SEMA6D: variants seen among roughly 807,000 people sequenced by gnomAD.
The protein encoded by SEMA6D is semaphorin 6D, also known as semaphorin-6D.
Under a neutral mutation model 106.6 loss-of-function variants are expected in SEMA6D, and 35 were observed. The ratio of observed to expected loss-of-function variants is 0.33; its 90% CI spans 0.25 to 0.44. The LOEUF (loss-of-function observed/expected upper bound fraction) is 0.44. Among genes scored for constraint, SEMA6D ranks in the 20% least tolerant of loss-of-function variants. The pLI, the probability that SEMA6D is intolerant of heterozygous loss-of-function variation, is 1.00. For synonymous variants in SEMA6D, 499 were observed against 487.7 expected (o/e 1.02, Z -0.31); for missense variants, 1,185 against 1,345.9 (o/e 0.88, Z 1.87).
intron 1 of SEMA6D, among the ~76,000 whole-genome samples, chr15:47,207,993 G>GCACGCACACA (rs1895210628): frequency 1.1e-5 from 1 of 89,396 alleles, no homozygotes; most frequent in African/African-American, 4.1e-5. Context: ...TGGCGCGCGC[G>GCACGCACACA]CACACACACA....
At chr15:47,311,823 A>G (rs958757792) in intron 1 of SEMA6D, among the ~76,000 whole-genome samples, 1 of 152,180 alleles carries the variant, frequency 6.6e-6, no homozygotes, top group African/African-American at 2.4e-5. Context: ...CTGTGTCTAC[A>G]TGAGGCAAAC....
At position 47,768,692 on chromosome 15, in the gene SEMA6D, T is replaced by G. The variant is rs758166403; in HGVS notation, c.1877T>G (p.Val626Gly). Residue 626 changes from valine (V) to glycine (G), a missense_variant, in exon 18 of 19, where the codon GTT becomes GGT. By Grantham distance (109) the Val-to-Gly change is moderately radical (BLOSUM62 -3). Coordinates refer to ENST00000536845, the MANE Select transcript of SEMA6D (RefSeq NM_001358351.3). ...CTGACAAGCTCTCGGAAATTTGTAGTTCAAGATGATCCAAACACTTCTGAT... is the reference window on the plus strand; with the variant it reads ...CTGACAAGCTCTCGGAAATTTGTAGGTCAAGATGATCCAAACACTTCTGAT... ...PKLTSSRKFV[V>G]QDDPNTSDFT... 2.4e-5 allele frequency: 38 copies of G among 1,613,572 alleles called. No homozygotes were observed. Among genetic ancestry groups the G allele is most frequent in the Non-Finnish European group, 3.1e-5 (36 of 1,179,684 alleles).
At chr15:47,400,154 T>C (rs765843687) in intron 1 of SEMA6D, among the ~76,000 whole-genome samples, 2 of 152,158 alleles carry the variant, frequency 1.3e-5, no homozygotes, top group Non-Finnish European at 2.9e-5. Context: ...AGAACCAAAA[T>C]CAGAGCAGCA....
chr15:47,222,003 A>G (rs577944561), intron 1 of SEMA6D, among the ~76,000 whole-genome samples: 11 of 150,340 alleles, frequency 7.3e-5, no homozygotes, highest in Non-Finnish European at 1.2e-4. Context: ...AAGCAAGCGC[A>G]CACACACACA....
At chr15:47,508,955 G>A (rs1056212371) in intron 3 of SEMA6D, among the ~76,000 whole-genome samples, 2 of 151,282 alleles carry the variant, frequency 1.3e-5, no homozygotes, top group Admixed American at 6.6e-5. Flanking sequence ...GTTTTTTTTT[G>A]CGGGGGGAGA....
chr15:47,683,414 A>G (rs1458712618), intron 4 of SEMA6D, among the ~76,000 whole-genome samples: 2 of 152,158 alleles, frequency 1.3e-5, no homozygotes, highest in Non-Finnish European at 2.9e-5. Flanking sequence ...GTCTGCACAT[A>G]TTTTTATGTC....
At chr15:47,311,871 TC>T (rs755471884) in intron 1 of SEMA6D, among the ~76,000 whole-genome samples, 32 of 152,322 alleles carry the variant, frequency 2.1e-4, no homozygotes, top group Admixed American at 9.8e-4. Context: ...GGGAGGCAGT[TC>T]CTGGCAATTG....
At chr15:47,205,038 A>G (rs1280893056) in intron 1 of SEMA6D, among the ~76,000 whole-genome samples, 1 of 152,130 alleles carries the variant, frequency 6.6e-6, no homozygotes, top group African/African-American at 2.4e-5. Context: ...ATATAAGAGG[A>G]CATAAGAACA....
At chr15:47,434,096 A>G (rs2041624963) in intron 2 of SEMA6D, among the ~76,000 whole-genome samples, 3 of 152,150 alleles carry the variant, frequency 2.0e-5, no homozygotes, top group Admixed American at 6.6e-5. Context: ...AATGACAACC[A>G]TCTAAGTAAG....
rs566772254 is a variant in SEMA6D, at chr15:47,769,436, C to T, written c.1933+688C>T. Among the ~76,000 whole-genome samples the T allele has an allele frequency of 1.1e-4, 16 of 152,148 alleles. No homozygotes were observed. The South Asian group carries it at 2.7e-3, about 26-fold the overall frequency. On this transcript the variant is annotated intron_variant, in intron 18 of 18. Coordinates refer to ENST00000536845, the MANE Select transcript of SEMA6D (RefSeq NM_001358351.3). ...GGTTGATTTTCATTTTATATGTTTT[C>T]GTTGTAACCAATTTTATAATCATTC...
At chr15:47,634,883 C>T (rs554508446) in intron 4 of SEMA6D, among the ~76,000 whole-genome samples, 1 of 152,276 alleles carries the variant, frequency 6.6e-6, no homozygotes, top group Admixed American at 6.5e-5. Context: ...GATGATGGTG[C>T]AGGTTTTTCC....
At chr15:47,749,344 T>A (rs1265282758) in intron 1 of SEMA6D, among the ~76,000 whole-genome samples, 2 of 152,058 alleles carry the variant, frequency 1.3e-5, no homozygotes, top group African/African-American at 4.8e-5. Flanking sequence ...GCCTCCCAGA[T>A]TGCTGGGATT....
At chr15:47,659,397 G>T (rs1444463123) in intron 4 of SEMA6D, among the ~76,000 whole-genome samples, 3 of 151,258 alleles carry the variant, frequency 2.0e-5, no homozygotes, top group Non-Finnish European at 3.0e-5. Flanking sequence ...CCAGTCATCT[G>T]CAAAAAAAGT....
intron 1 of SEMA6D, among the ~76,000 whole-genome samples, chr15:47,267,701 C>T (rs2034384284): frequency 6.6e-6 from 1 of 152,064 alleles, no homozygotes; most frequent in African/African-American, 2.4e-5. Context: ...TTGGCATTCT[C>T]CCTTTTCATC....
At chr15:47,686,828 G>C (rs1596633574) in intron 4 of SEMA6D, among the ~76,000 whole-genome samples, 2 of 152,250 alleles carry the variant, frequency 1.3e-5, no homozygotes, top group Middle Eastern at 3.4e-3. Flanking sequence ...CACTTTGGGG[G>C]ACTGAGGAGG....
At chr15:47,543,437 T>C (rs1046025543) in intron 3 of SEMA6D, among the ~76,000 whole-genome samples, 8 of 152,154 alleles carry the variant, frequency 5.3e-5, no homozygotes, top group African/African-American at 1.9e-4. Context: ...CCTGCCACCA[T>C]GTAAGATGTG....
chr15:47,286,126 A>T (rs879290340), intron 1 of SEMA6D, among the ~76,000 whole-genome samples: 1 of 152,162 alleles, frequency 6.6e-6, no homozygotes, highest in Admixed American at 6.6e-5. Flanking sequence ...TCTAGCCTTC[A>T]TGGTCCCTTA....
chr15:47,711,160 A>G (rs2079011586), intron 4 of SEMA6D, among the ~76,000 whole-genome samples: 1 of 151,550 alleles, frequency 6.6e-6, no homozygotes, highest in African/African-American at 2.4e-5. Context: ...ATACAAAAAA[A>G]TTAGCCGGGC....
chr15:47,248,674 T>TA (rs1403204984), intron 1 of SEMA6D, among the ~76,000 whole-genome samples: 4 of 152,192 alleles, frequency 2.6e-5, no homozygotes, highest in Non-Finnish European at 4.4e-5. Context: ...CTCAGATACT[T>TA]AGAGTTTTAT....
Sources: gnomAD v4.1 joint callset for allele counts (sites outside exome capture counted in the v4.1 genomes callset) on GRCh38, gnomAD v4.1.1 for gene constraint, MANE v1.5 for transcripts, NCBI Gene and HGNC (gene_info 2026-07-23, HGNC 2026-07-21) for gene names.